The following TENM3 variants were observed in gnomAD, a reference collection of about 807,000 sequenced individuals.
The protein encoded by TENM3 is teneurin transmembrane protein 3.
Under a neutral mutation model 255.1 loss-of-function variants are expected in TENM3, and 63 were observed. The observed-to-expected ratio is 0.25, with a 90% confidence interval of 0.20 to 0.30. TENM3 has a LOEUF of 0.30. Ranked by LOEUF, TENM3 falls within the 10% of genes least tolerant of loss-of-function variation. The pLI, the probability that TENM3 is intolerant of heterozygous loss-of-function variation, is 1.00. For missense variants in TENM3, 2,929 were observed against 3,461.1 expected, an observed-to-expected ratio of 0.85 and a Z score of 3.86; for synonymous variants, 1,306 against 1,322.3, an observed-to-expected ratio of 0.99 and a Z score of 0.27.
the TENM3 span, among the ~76,000 whole-genome samples, chr4:182,056,691 A>G: frequency 6.6e-6 from 1 of 152,128 alleles, no homozygotes; most frequent in Non-Finnish European, 1.5e-5. Flanking sequence ...AAAACAGCAA[A>G]TGTCCTTTAG....
rs557852267 is a variant in TENM3 at position 182,680,526 on chromosome 4, C to T, written c.1640-17C>T. On this transcript the variant is annotated splice_polypyrimidine_tract_variant and intron_variant, in intron 9 of 27. Transcript: ENST00000511685. Reference sequence around the variant, plus strand: ...GAAAGTGTGGCTGTAATTCTTCTGTCGTGTCTTGTTTCACAGCCGCCTGTC... The same window carrying T: ...GAAAGTGTGGCTGTAATTCTTCTGTTGTGTCTTGTTTCACAGCCGCCTGTC... The T allele has an allele frequency of 2.5e-6, 4 of 1,610,982 alleles. No homozygotes were observed. Among genetic ancestry groups the T allele is most frequent in the South Asian group, 1.1e-5 (1 of 90,492 alleles).
chr4:181,767,900 C>A, the TENM3 span, among the ~76,000 whole-genome samples: 1 of 151,982 alleles, frequency 6.6e-6, no homozygotes, highest in African/African-American at 2.4e-5. Context: ...AGAGGACATC[C>A]ATGAAAATGG....
the TENM3 span, among the ~76,000 whole-genome samples, chr4:181,979,212 G>A: frequency 7.7e-6 from 1 of 129,756 alleles, no homozygotes; most frequent in Non-Finnish European, 1.6e-5. Context: ...GAAATTTATG[G>A]CACTTATATA....
At chr4:182,442,847 TACAC>T (rs10586825) in intron 3 of TENM3, among the ~76,000 whole-genome samples, 75,644 of 147,622 alleles carry the variant, frequency 0.51, 19,672 homozygotes, top group East Asian at 0.69. Flanking sequence ...CATACATATA[TACAC>T]ACACACACAC....
At chr4:182,056,985 AACAATCAGAT>A in the TENM3 span, among the ~76,000 whole-genome samples, 1 of 151,270 alleles carries the variant, frequency 6.6e-6, no homozygotes, top group Non-Finnish European at 1.5e-5. Flanking sequence ...GATCTGAAAG[AACAATCAGAT>A]ACGGCTGATT....
chr4:181,599,924 C>A, the TENM3 span, among the ~76,000 whole-genome samples: 1 of 152,152 alleles, frequency 6.6e-6, no homozygotes, highest in Admixed American at 6.5e-5. Flanking sequence ...CAATAACTTA[C>A]ATTTACCGGT....
intron 3 of TENM3, among the ~76,000 whole-genome samples, chr4:182,544,434 G>T (rs181821080): frequency 6.9e-6 from 1 of 145,202 alleles, no homozygotes; most frequent in Non-Finnish European, 1.5e-5. Flanking sequence ...GGGTTCAAGC[G>T]ACTCTCCTAC....
At chr4:182,497,878 A>ATATGTG (rs1553966183) in intron 3 of TENM3, among the ~76,000 whole-genome samples, 1 of 143,002 alleles carries the variant, frequency 7.0e-6, no homozygotes, top group African/African-American at 2.7e-5. Context: ...ATATATATAT[A>ATATGTG]TATATCTCAA....
chr4:182,097,697 A>T, the TENM3 span, among the ~76,000 whole-genome samples: 3 of 152,198 alleles, frequency 2.0e-5, no homozygotes, highest in Non-Finnish European at 4.4e-5. Context: ...AGGCCCAAGG[A>T]GTATCTAATT....
the TENM3 span, among the ~76,000 whole-genome samples, chr4:181,577,121 TTA>T: frequency 1.5e-5 from 2 of 134,700 alleles, no homozygotes; most frequent in Admixed American, 8.4e-5. Context: ...TAATAATAAA[TTA>T]TGTGTAATAA....
chr4:182,730,270 T>G lies in TENM3; in HGVS notation c.2656T>G (p.Phe886Val), dbSNP rs758818419. 6.2e-7 allele frequency: 1 copy of G among 1,613,816 alleles called. No individual in the cohort carries two copies. Among genetic ancestry groups the G allele is most frequent in the Non-Finnish European group, 8.5e-7 (1 of 1,179,794 alleles). ...GTPLIGVNVS[F>V]FHYPEYGYTI... ...TCCACTTATTGGAGTAAATGTCTCGTTTTTCCATTACCCAGAATATGGATA... is the reference window on the plus strand; with the variant it reads ...TCCACTTATTGGAGTAAATGTCTCGGTTTTCCATTACCCAGAATATGGATA... The change falls in exon 15 of 28, where the codon TTT becomes GTT. Residue 886 changes from phenylalanine to valine, a missense_variant. By Grantham distance (50) the Phe-to-Val change is conservative. Coordinates refer to ENST00000511685, the MANE Select transcript of TENM3 (RefSeq NM_001080477.4).
intron 1 of TENM3, among the ~76,000 whole-genome samples, chr4:182,202,454 C>T (rs1046026827): frequency 1.3e-5 from 2 of 152,020 alleles, no homozygotes; most frequent in African/African-American, 4.8e-5. Flanking sequence ...TGCAGGCATG[C>T]ACCACCACAC....
chr4:181,450,778 A>G, the TENM3 span, among the ~76,000 whole-genome samples: 1 of 152,230 alleles, frequency 6.6e-6, no homozygotes, highest in Non-Finnish European at 1.5e-5. Context: ...ATGTTTTCAT[A>G]ACATGTGGTG....
the TENM3 span, among the ~76,000 whole-genome samples, chr4:181,960,293 A>T: frequency 3.3e-5 from 5 of 152,204 alleles, no homozygotes. Flanking sequence ...CCTTATACTA[A>T]TGTAATGGAT....
the TENM3 span, among the ~76,000 whole-genome samples, chr4:181,525,841 ACG>A: frequency 6.6e-6 from 1 of 152,180 alleles, no homozygotes; most frequent in South Asian, 2.1e-4. Context: ...TAAACTTTGC[ACG>A]CGCTACTTCT....
At chr4:182,121,124 G>A in the TENM3 span, among the ~76,000 whole-genome samples, 42 of 151,936 alleles carry the variant, frequency 2.8e-4, no homozygotes, top group Admixed American at 2.3e-3. Context: ...TCAGCCTCCC[G>A]AGTAGCTGGG....
intron 3 of TENM3, among the ~76,000 whole-genome samples, chr4:182,591,626 C>A (rs953911985): frequency 5.9e-5 from 9 of 152,120 alleles, no homozygotes; most frequent in Admixed American, 3.3e-4. Flanking sequence ...AATTTTTACA[C>A]AGTACTGTAT....
the TENM3 span, chr4:181,876,900 T>A: frequency 6.6e-6 from 1 of 152,248 alleles, no homozygotes; most frequent in East Asian, 1.9e-4. Flanking sequence ...TAGGAAATAA[T>A]TGGAACTGTG....
intron 1 of TENM3, among the ~76,000 whole-genome samples, chr4:182,184,493 GTTTTTT>G (rs3071525): frequency 2.4e-5 from 3 of 126,456 alleles, no homozygotes; most frequent in African/African-American, 5.7e-5. Context: ...GCATGGTTGA[GTTTTTT>G]TTTTTTTTTT....
Sources: allele counts gnomAD v4.1 joint callset (sites outside exome capture counted in the v4.1 genomes callset), GRCh38; gene constraint gnomAD v4.1.1; transcripts MANE v1.5; gene names NCBI Gene and HGNC (gene_info 2026-07-23, HGNC 2026-07-21).